CCBE1: variants seen among roughly 807,000 people sequenced by gnomAD.
CCBE1 encodes the protein collagen and calcium-binding EGF domain-containing protein 1.
Under a neutral mutation model 50.0 loss-of-function variants are expected in CCBE1, and 37 were observed. The ratio of observed to expected loss-of-function variants is 0.74; its 90% CI spans 0.57 to 0.97. The LOEUF is 0.97. Ranked by LOEUF, CCBE1 falls within the 50% of genes least tolerant of loss-of-function variation. CCBE1 has a pLI of 0.00. For synonymous variants in CCBE1, 234 were observed against 203.7 expected (o/e 1.15, Z -1.27); for missense variants, 538 against 523.8 (o/e 1.03, Z -0.26).
chr18:59,512,345 T>A (rs866635518), intron 2 of CCBE1, among the ~76,000 whole-genome samples: 1 of 152,334 alleles, frequency 6.6e-6, no homozygotes, highest in African/African-American at 2.4e-5. Flanking sequence ...CATCTACCCC[T>A]AGACACAGCC....
At position 59,557,353 on chromosome 18, in the gene CCBE1, TC is replaced by T. The variant is rs202094061; in HGVS notation, c.213-77116del. Among the ~76,000 whole-genome samples, 559 of 152,224 alleles carry T rather than the reference TC, an allele frequency of 3.7e-3. 5 individuals are homozygous for T. The highest frequency in any genetic ancestry group is 0.013 in the African/African-American group (523 of 41,518). On this transcript the variant is annotated intron_variant, in intron 2 of 10. Coordinates refer to ENST00000439986, the MANE Select transcript of CCBE1 (RefSeq NM_133459.4). ...CACACAACTGCATGAGCATCCCTCATCACTCAGTTTCTGCTTGTCTGATTCC... is the reference window on the plus strand; with the variant it reads ...CACACAACTGCATGAGCATCCCTCATACTCAGTTTCTGCTTGTCTGATTCC...
chr18:59,651,083 A>G (rs988866178), intron 2 of CCBE1, among the ~76,000 whole-genome samples: 3 of 152,206 alleles, frequency 2.0e-5, no homozygotes, highest in Non-Finnish European at 4.4e-5. Context: ...GGATTTCTTA[A>G]TATCATCCAA....
rs562802118 is a variant in CCBE1 at position 59,672,849 on chromosome 18, G to A, written c.212+23780C>T. Among the ~76,000 whole-genome samples the A allele has an allele frequency of 3.9e-4, 60 of 152,280 alleles. 1 individual carries two copies. The highest frequency in any genetic ancestry group is 1.4e-3 in the African/African-American group (59 of 41,560). ...AAGGCATAAGACTTTGGGGACTGCG[G>A]TGGGGGGAAGGGTGGGAAGGAGTGA... On this transcript the variant is annotated intron_variant, in intron 2 of 10. Coordinates refer to ENST00000439986, the MANE Select transcript of CCBE1 (RefSeq NM_133459.4).
chr18:59,608,521 C>G (rs188811806), intron 2 of CCBE1, among the ~76,000 whole-genome samples: 3 of 152,108 alleles, frequency 2.0e-5, no homozygotes, highest in African/African-American at 7.2e-5. Context: ...AGAGAAGGCA[C>G]GAGAACAAGC....
intron 2 of CCBE1, among the ~76,000 whole-genome samples, chr18:59,531,362 C>G (rs763083579): frequency 2.6e-5 from 4 of 151,882 alleles, no homozygotes; most frequent in Non-Finnish European, 5.9e-5. Context: ...TTTTTTTCCT[C>G]TTCTCCAACA....
At chr18:59,476,927 C>T (rs1912333916) in intron 3 of CCBE1, among the ~76,000 whole-genome samples, 2 of 152,162 alleles carry the variant, frequency 1.3e-5, no homozygotes, top group South Asian at 4.1e-4. Flanking sequence ...GGGAGTGGCA[C>T]CACTCACTGT....
At chr18:59,477,569 C>A (rs1481856621) in intron 3 of CCBE1, among the ~76,000 whole-genome samples, 4 of 136,768 alleles carry the variant, frequency 2.9e-5, no homozygotes, top group Admixed American at 8.5e-5. Context: ...TGTGTGTGCA[C>A]CTGCATGCCA....
chr18:59,530,162 G>A (rs899144659), intron 2 of CCBE1, among the ~76,000 whole-genome samples: 23 of 152,146 alleles, frequency 1.5e-4, no homozygotes, highest in Non-Finnish European at 2.8e-4. Flanking sequence ...AGTTGAGATG[G>A]ATGGGCCTGA....
At chr18:59,628,258 T>G (rs1457748049) in intron 2 of CCBE1, among the ~76,000 whole-genome samples, 1 of 152,210 alleles carries the variant, frequency 6.6e-6, no homozygotes, top group Non-Finnish European at 1.5e-5. Context: ...TTTTGGATAT[T>G]CTTTATTTTT....
chr18:59,447,074 T>G (rs932062322), intron 7 of CCBE1, among the ~76,000 whole-genome samples: 1 of 152,234 alleles, frequency 6.6e-6, no homozygotes, highest in African/African-American at 2.4e-5. Flanking sequence ...GTATATTTCC[T>G]GATGAAATGA....
At chr18:59,521,705 T>C (rs1914606891) in intron 2 of CCBE1, among the ~76,000 whole-genome samples, 1 of 152,210 alleles carries the variant, frequency 6.6e-6, no homozygotes. Flanking sequence ...CAAAACATCA[T>C]GCCACTCGAT....
At chr18:59,550,026 G>C (rs1281375789) in intron 2 of CCBE1, among the ~76,000 whole-genome samples, 3 of 152,182 alleles carry the variant, frequency 2.0e-5, no homozygotes, top group Non-Finnish European at 4.4e-5. Context: ...TATTGGAATG[G>C]GCACTTTCAG....
intron 2 of CCBE1, among the ~76,000 whole-genome samples, chr18:59,687,403 C>G (rs1418562388): frequency 7.6e-6 from 1 of 131,922 alleles, no homozygotes; most frequent in Non-Finnish European, 1.7e-5. Context: ...CTGAACAGAT[C>G]TGTGCCTGTG....
At chr18:59,675,414 A>G (rs1257920736) in intron 2 of CCBE1, among the ~76,000 whole-genome samples, 1 of 152,334 alleles carries the variant, frequency 6.6e-6, no homozygotes, top group East Asian at 1.9e-4. Flanking sequence ...AACAATAACT[A>G]AAACCTACAG....
intron 2 of CCBE1, among the ~76,000 whole-genome samples, chr18:59,682,669 A>C (rs2054606251): frequency 6.6e-6 from 1 of 152,236 alleles, no homozygotes; most frequent in Non-Finnish European, 1.5e-5. Flanking sequence ...AACTGAAAAA[A>C]AGCAATTGTA....
At chr18:59,523,999 A>G (rs1914713972) in intron 2 of CCBE1, among the ~76,000 whole-genome samples, 3 of 152,198 alleles carry the variant, frequency 2.0e-5, no homozygotes, top group Non-Finnish European at 4.4e-5. Context: ...CCTTTACCGA[A>G]ACAAGCCTTT....
At chr18:59,539,179 TAA>T (rs1466201602) in intron 2 of CCBE1, among the ~76,000 whole-genome samples, 6 of 139,930 alleles carry the variant, frequency 4.3e-5, no homozygotes, top group Admixed American at 7.4e-5. Flanking sequence ...CTGCTATATT[TAA>T]AAAACACACA....
intron 9 of CCBE1, among the ~76,000 whole-genome samples, chr18:59,439,252 A>T (rs1432234523): frequency 6.6e-6 from 1 of 151,922 alleles, no homozygotes; most frequent in Non-Finnish European, 1.5e-5. Flanking sequence ...GTGCCACTGC[A>T]CTCCAGCCTG....
chr18:59,592,850 G>C (rs1568224059), intron 2 of CCBE1, among the ~76,000 whole-genome samples: 1 of 152,022 alleles, frequency 6.6e-6, no homozygotes, highest in Non-Finnish European at 1.5e-5. Flanking sequence ...CAAATTGTAG[G>C]AACCAATACA....
Sources: allele counts gnomAD v4.1 joint callset (sites outside exome capture counted in the v4.1 genomes callset), GRCh38; gene constraint gnomAD v4.1.1; transcripts MANE v1.5; gene names NCBI Gene and HGNC (gene_info 2026-07-23, HGNC 2026-07-21).